Variants in DDAH1 observed in about 807,000 individuals in gnomAD.
The protein encoded by DDAH1 is N(G),N(G)-dimethylarginine dimethylaminohydrolase 1.
DDAH1 carries 19 observed loss-of-function variants against 28.8 expected under a neutral mutation model. That is an observed-to-expected ratio of 0.66 (90% CI 0.46 to 0.97). DDAH1 has a LOEUF of 0.97. Among genes scored for constraint, DDAH1 ranks in the 50% least tolerant of loss-of-function variants. DDAH1 has a pLI of 0.00. For missense variants in DDAH1, 326 were observed against 375.9 expected, an observed-to-expected ratio of 0.87 and a Z score of 1.10; for synonymous variants, 153 against 154.4, an observed-to-expected ratio of 0.99 and a Z score of 0.07.
chr1:85,329,885 G>T (rs1271122805), intron 4 of DDAH1, among the ~76,000 whole-genome samples: 1 of 152,052 alleles, frequency 6.6e-6, no homozygotes, highest in Non-Finnish European at 1.5e-5. Context: ...AAATAAAAGG[G>T]ATGTATGAAG....
intron 1 of DDAH1, among the ~76,000 whole-genome samples, chr1:85,382,027 G>A (rs1373638756): frequency 6.6e-6 from 1 of 152,174 alleles, no homozygotes; most frequent in African/African-American, 2.4e-5. Context: ...AAGTGTTCAA[G>A]TGAAAGGAGG....
chr1:85,520,472 T>C (rs1657643970), intron 1 of DDAH1, among the ~76,000 whole-genome samples: 1 of 152,196 alleles, frequency 6.6e-6, no homozygotes, highest in Non-Finnish European at 1.5e-5. Flanking sequence ...TGCACTAGGT[T>C]AAGGATGATA....
chr1:85,403,691 G>A (rs981487896), intron 1 of DDAH1, among the ~76,000 whole-genome samples: 4 of 151,964 alleles, frequency 2.6e-5, no homozygotes, highest in Non-Finnish European at 4.4e-5. Context: ...ATTCACAAAA[G>A]AAAAAATATA....
intron 1 of DDAH1, among the ~76,000 whole-genome samples, chr1:85,368,703 T>C (rs1650210223): frequency 6.6e-6 from 1 of 152,202 alleles, no homozygotes; most frequent in African/African-American, 2.4e-5. Flanking sequence ...CCAAAAGACC[T>C]GCAAAATTTA....
chr1:85,503,858 G>A (rs1161284330), intron 1 of DDAH1, among the ~76,000 whole-genome samples: 2 of 152,112 alleles, frequency 1.3e-5, no homozygotes, highest in Non-Finnish European at 2.9e-5. Flanking sequence ...TGATGATGGG[G>A]GAAAAGGTCA....
chr1:85,541,870 G>A (rs1261490940), intron 1 of DDAH1, among the ~76,000 whole-genome samples: 1 of 152,162 alleles, frequency 6.6e-6, no homozygotes, highest in African/African-American at 2.4e-5. Flanking sequence ...CCAGGAAGCA[G>A]GGTATCACCA....
chr1:85,519,815 T>C (rs1187529226), intron 1 of DDAH1, among the ~76,000 whole-genome samples: 2 of 152,138 alleles, frequency 1.3e-5, no homozygotes, highest in African/African-American at 4.8e-5. Flanking sequence ...CACAGAAAGA[T>C]ACATATTTAG....
intron 1 of DDAH1, among the ~76,000 whole-genome samples, chr1:85,426,044 T>G (rs537024544): frequency 3.9e-5 from 6 of 152,314 alleles, no homozygotes; most frequent in African/African-American, 1.4e-4. Flanking sequence ...TTTCAGTGCC[T>G]CTCTCATAGG....
intron 1 of DDAH1, among the ~76,000 whole-genome samples, chr1:85,532,850 G>A (rs1286440410): frequency 6.6e-6 from 1 of 152,216 alleles, no homozygotes; most frequent in Non-Finnish European, 1.5e-5. Flanking sequence ...CATCCTTGGG[G>A]AAGCTTCAAA....
At chr1:85,406,324 C>T (rs1047731086) in intron 1 of DDAH1, among the ~76,000 whole-genome samples, 3 of 152,104 alleles carry the variant, frequency 2.0e-5, no homozygotes, top group African/African-American at 7.2e-5. Context: ...CATCTGGATC[C>T]AATAAACTTA....
At chr1:85,498,787 T>C (rs754987137) in intron 1 of DDAH1, among the ~76,000 whole-genome samples, 1 of 152,096 alleles carries the variant, frequency 6.6e-6, no homozygotes. Context: ...CCGGAGGTAG[T>C]GGCGTATGCC....
At chr1:85,528,845 A>T (rs6576774) in intron 1 of DDAH1, among the ~76,000 whole-genome samples, 4,298 of 151,810 alleles carry the variant, frequency 0.028, 214 homozygotes, top group African/African-American at 0.098. Flanking sequence ...ATGGTGGCAC[A>T]CGCCTGTAAT....
intron 4 of DDAH1, among the ~76,000 whole-genome samples, chr1:85,346,650 A>G (rs531861175): frequency 1.3e-5 from 2 of 152,270 alleles, no homozygotes; most frequent in South Asian, 2.1e-4. Context: ...AGCCAATACC[A>G]CTTTTATCAC....
intron 1 of DDAH1, among the ~76,000 whole-genome samples, chr1:85,519,628 C>G (rs1212678949): frequency 6.6e-6 from 1 of 152,058 alleles, no homozygotes; most frequent in East Asian, 1.9e-4. Context: ...ATAAAAAATT[C>G]TAAGAAAAAT....
chr1:85,452,057 CTGTT>C (rs925121946), intron 1 of DDAH1, among the ~76,000 whole-genome samples: 10 of 152,280 alleles, frequency 6.6e-5, no homozygotes, highest in African/African-American at 2.4e-4. Context: ...TCCACCTACA[CTGTT>C]TGTTTTCCTT....
In DDAH1 at chr1:85,519,139, G is replaced by GCT. The variant is rs1182749125; in HGVS notation, c.-122-22860_-122-22859dup. Among the ~76,000 whole-genome samples, 5 of 130,100 alleles carry GCT rather than the reference G, an allele frequency of 3.8e-5. No individual in the cohort carries two copies. In the Admixed American group the frequency reaches 4.7e-4, roughly 12 times the overall value. The allele number at this position is 130,100 out of a possible 152,430, so 85.4% of individuals were successfully genotyped here. On this transcript the variant is annotated intron_variant, in intron 1 of 6. Coordinates refer to the DDAH1 transcript ENST00000426972. ...GACGGAGTCTTGCTCTGTCGCCCAG[G>GCT]CTGGAGTGCAGTGGCATGATCTTGG...
chr1:85,575,189 C>T (rs1042421976), intron 1 of DDAH1, among the ~76,000 whole-genome samples: 1 of 152,160 alleles, frequency 6.6e-6, no homozygotes, highest in African/African-American at 2.4e-5. Flanking sequence ...CTAGATCATG[C>T]CACTGCACTC....
At chr1:85,337,546 TG>T (rs1265876848) in intron 4 of DDAH1, among the ~76,000 whole-genome samples, 1 of 151,802 alleles carries the variant, frequency 6.6e-6, no homozygotes, top group Non-Finnish European at 1.5e-5. Flanking sequence ...TTCTGCCTCC[TG>T]GGTTCAAGCA....
At chr1:85,338,655 AC>A (rs1316459897) in intron 4 of DDAH1, among the ~76,000 whole-genome samples, 3 of 152,234 alleles carry the variant, frequency 2.0e-5, no homozygotes, top group South Asian at 4.1e-4. Flanking sequence ...CTAGCGGTGA[AC>A]CCCAGGAATG....
Sources: allele counts gnomAD v4.1 joint callset (sites outside exome capture counted in the v4.1 genomes callset), GRCh38; gene constraint gnomAD v4.1.1; transcripts MANE v1.5; gene names NCBI Gene and HGNC (gene_info 2026-07-23, HGNC 2026-07-21).